The following GALM variants were observed in gnomAD, a reference collection of about 807,000 sequenced individuals.
GALM encodes galactose mutarotase, also known as aldose 1-epimerase.
Under a neutral mutation model 37.4 loss-of-function variants are expected in GALM, and 43 were observed. The ratio of observed to expected loss-of-function variants is 1.15; its 90% confidence interval spans 0.90 to 1.48. GALM has a LOEUF of 1.48. Ranked by LOEUF, GALM falls within the 40% of genes most tolerant of loss-of-function variation. The pLI is 0.00. For missense variants in GALM, 456 were observed against 419.1 expected, an observed-to-expected ratio of 1.09 and a Z score of -0.77; for synonymous variants, 199 against 170.6, an observed-to-expected ratio of 1.17 and a Z score of -1.30.
intron 4 of GALM, among the ~76,000 whole-genome samples, chr2:38,708,947 G>A (rs1666098104): frequency 6.6e-6 from 1 of 152,166 alleles, no homozygotes; most frequent in African/African-American, 2.4e-5. Flanking sequence ...GCCTCTGCCG[G>A]TGCTTCTGTG....
At chr2:38,706,068 C>T (rs1230960090) in intron 4 of GALM, among the ~76,000 whole-genome samples, 6 of 151,870 alleles carry the variant, frequency 4.0e-5, no homozygotes, top group African/African-American at 1.5e-4. Context: ...TGCAGTGACA[C>T]GATTTTGGCT....
intron 4 of GALM, chr2:38,698,222 A>ATG: frequency 2.9e-6 from 1 of 340,992 alleles, no homozygotes; most frequent in East Asian, 8.9e-5. Flanking sequence ...GGGATTATAT[A>ATG]TATATTTTAA....
chr2:38,697,980 A>G (rs1270451857), intron 4 of GALM, among the ~76,000 whole-genome samples: 3 of 151,320 alleles, frequency 2.0e-5, no homozygotes, highest in Admixed American at 6.6e-5. Context: ...GTCTCACTCC[A>G]TCACCAGGCT....
In GALM at chr2:38,666,116, T is replaced by G. The variant is rs528527203; in HGVS notation, c.-46T>G. 41 of 1,552,130 alleles carry G rather than the reference T, an allele frequency of 2.6e-5. No homozygotes were observed. The highest frequency in any genetic ancestry group is 3.5e-5 in the Non-Finnish European group (40 of 1,140,632). On this transcript the variant is annotated 5_prime_UTR_variant, in exon 1 of 7. Coordinates refer to ENST00000272252, the MANE Select transcript of GALM (RefSeq NM_138801.3). ...GGGTCGCCTCTAGCTTAGCGAGCGCTGGAGTTTGAAGAGCGGGCAGTGGCT... is the reference window on the plus strand; with the variant it reads ...GGGTCGCCTCTAGCTTAGCGAGCGCGGGAGTTTGAAGAGCGGGCAGTGGCT...
intron 4 of GALM, among the ~76,000 whole-genome samples, chr2:38,720,807 G>A (rs377063904): frequency 1.8e-4 from 27 of 152,324 alleles, no homozygotes; most frequent in African/African-American, 5.8e-4. Flanking sequence ...GCCTCTCCAC[G>A]TGACTTGAGC....
In GALM at chr2:38,731,866, G is replaced by T. The variant is rs762686164; in HGVS notation, c.908G>T (p.Gly303Val). 1.2e-6 allele frequency: 2 copies of T among 1,614,038 alleles called. No homozygotes were observed. The highest frequency in any genetic ancestry group is 2.7e-5 in the African/African-American group (2 of 74,902). ...GGAGCTGTCTATCCCAAGCACTCCGGTTTCTGCCTGGAGACTCAGAACTGG... is the reference window on the plus strand; with the variant it reads ...GGAGCTGTCTATCCCAAGCACTCCGTTTTCTGCCTGGAGACTCAGAACTGG... ...KNGAVYPKHSGFCLETQNWPD... is the reference protein window; with the variant it reads ...KNGAVYPKHSVFCLETQNWPD... Residue 303 changes from glycine to valine, a missense_variant, in exon 6 of 7, where the codon GGT becomes GTT. Coordinates refer to ENST00000272252, the MANE Select transcript of GALM (RefSeq NM_138801.3).
Position 38,681,288 on chromosome 2 carries a change from G to C in GALM, c.354G>C (p.Trp118Cys). ...AAAACACTTTTTTCCAGGTGCTCTG[G>C]ACCCCTCGGGTGCTGTCAAATGGCG... Reference protein sequence around the residue: ...GGVRGFDKVLWTPRVLSNGVQ... With the variant: ...GGVRGFDKVLCTPRVLSNGVQ... Residue 118 changes from tryptophan (W) to cysteine (C), a missense_variant, in exon 3 of 7, where the codon TGG becomes TGC. Coordinates refer to ENST00000272252, the MANE Select transcript of GALM (RefSeq NM_138801.3). 4 of 1,613,068 alleles carry C rather than the reference G, an allele frequency of 2.5e-6. No individual in the cohort carries two copies. Among genetic ancestry groups the C allele is most frequent in the Non-Finnish European group, 3.4e-6 (4 of 1,179,954 alleles).
chr2:38,694,645 C>G (rs921072235), intron 4 of GALM, among the ~76,000 whole-genome samples: 1 of 152,004 alleles, frequency 6.6e-6, no homozygotes, highest in Non-Finnish European at 1.5e-5. Context: ...GCCTGTAATC[C>G]CAGCACTCTG....
chr2:38,722,815 C>T (rs1001081413), intron 4 of GALM, among the ~76,000 whole-genome samples: 3 of 152,098 alleles, frequency 2.0e-5, no homozygotes, highest in South Asian at 2.1e-4. Context: ...GGGTTGGGGG[C>T]GTAAGGGGCT....
At chr2:38,697,955 T>C (rs1665844513) in intron 4 of GALM, among the ~76,000 whole-genome samples, 1 of 151,904 alleles carries the variant, frequency 6.6e-6, no homozygotes, top group Non-Finnish European at 1.5e-5. Context: ...TTGGGGTTTT[T>C]TTTTTTTAGA....
At chr2:38,704,318 C>T (rs1171766706) in intron 4 of GALM, among the ~76,000 whole-genome samples, 1 of 151,994 alleles carries the variant, frequency 6.6e-6, no homozygotes, top group Non-Finnish European at 1.5e-5. Flanking sequence ...CCCACCTCAG[C>T]CTCCTGCATA....
chr2:38,722,030 T>TTCCCCCCCCCCCCC (rs1666385953), intron 4 of GALM, among the ~76,000 whole-genome samples: 3 of 41,386 alleles, frequency 7.2e-5, no homozygotes, highest in Non-Finnish European at 1.2e-4. Flanking sequence ...TGCCTTCCCT[T>TTCCCCCCCCCCCCC]CCCCCCCCCA....
intron 1 of GALM, among the ~76,000 whole-genome samples, chr2:38,666,696 G>C (rs1324748404): frequency 6.6e-6 from 1 of 152,210 alleles, no homozygotes; most frequent in Non-Finnish European, 1.5e-5. Flanking sequence ...AGGCTGGAGA[G>C]GAAAGAGCAG....
chr2:38,722,508 C>G (rs1290254850), intron 4 of GALM, among the ~76,000 whole-genome samples: 2 of 152,154 alleles, frequency 1.3e-5, no homozygotes. Context: ...TAATACACAC[C>G]CATCTGGCCT....
chr2:38,697,222 T>C (rs1276489225), intron 4 of GALM, among the ~76,000 whole-genome samples: 1 of 152,214 alleles, frequency 6.6e-6, no homozygotes, highest in Non-Finnish European at 1.5e-5. Context: ...TAAGGCCTTT[T>C]GTCAGATCAC....
intron 5 of GALM, among the ~76,000 whole-genome samples, 155 bp downstream of exon 5, chr2:38,729,852 AG>A (rs567289261): frequency 2.8e-3 from 420 of 152,274 alleles, no homozygotes; most frequent in African/African-American, 9.6e-3. Flanking sequence ...CCCATGGCAC[AG>A]GTGAGCTCTG....
intron 4 of GALM, among the ~76,000 whole-genome samples, chr2:38,725,828 C>T (rs1666474976): frequency 1.3e-5 from 2 of 152,198 alleles, no homozygotes; most frequent in African/African-American, 4.8e-5. Context: ...TCTTGTGCCT[C>T]AGTCTACTGA....
chr2:38,714,716 T>A lies in GALM; in HGVS notation c.635-14840T>A, dbSNP rs532834799. Among the ~76,000 whole-genome samples the A allele has an allele frequency of 3.9e-5, 6 of 152,364 alleles. No individual in the cohort carries two copies. The East Asian group carries it at 9.6e-4, about 24-fold the overall frequency. ...ACTAACAAATCCCCTCAATATTTGA[T>A]TTCCAATTTGTGAACCACTCCAATA... On this transcript the variant is annotated intron_variant, in intron 4 of 6. Coordinates refer to ENST00000272252, the MANE Select transcript of GALM (RefSeq NM_138801.3).
chr2:38,669,572 T>TC (rs1189808823), intron 1 of GALM: 2 of 152,198 alleles, frequency 1.3e-5, no homozygotes, highest in Non-Finnish European at 2.9e-5. Flanking sequence ...TATGAGTTTT[T>TC]CAACCTTTTT....
Sources: allele counts gnomAD v4.1 joint callset (sites outside exome capture counted in the v4.1 genomes callset), GRCh38; gene constraint gnomAD v4.1.1; transcripts MANE v1.5; gene names NCBI Gene and HGNC (gene_info 2026-07-23, HGNC 2026-07-21).